Variants in BLOC1S5 observed in about 807,000 individuals in gnomAD.
BLOC1S5 encodes the protein biogenesis of lysosome-related organelles complex 1 subunit 5.
In BLOC1S5, 27 loss-of-function variants were observed where a neutral mutation model predicts 24.3. The ratio of observed to expected loss-of-function variants is 1.11; its 90% confidence interval spans 0.82 to 1.53. The LOEUF is 1.53. Among genes scored for constraint, BLOC1S5 ranks in the 40% most tolerant of loss-of-function variants. BLOC1S5 has a pLI of 0.00. For synonymous variants in BLOC1S5, 84 were observed against 74.5 expected (o/e 1.13, Z -0.66); for missense variants, 239 against 229.4 (o/e 1.04, Z -0.27).
At chr6:8,017,194 C>A (rs1762772508) in intron 4 of BLOC1S5, among the ~76,000 whole-genome samples, 1 of 152,124 alleles carries the variant, frequency 6.6e-6, no homozygotes, top group African/African-American at 2.4e-5. Flanking sequence ...AACTATTCTA[C>A]ATGTATGTCA....
rs1383639273 is a variant in BLOC1S5, at chr6:8,064,320, G to A, written c.57C>T (p.Gly19=). 1 of 1,613,466 alleles carries A rather than the reference G, an allele frequency of 6.2e-7. No homozygotes were observed. Among genetic ancestry groups the A allele is most frequent in the Non-Finnish European group, 8.5e-7 (1 of 1,179,866 alleles). ...PVGCEAAPGG[G]SKKRDSLGTA... is the part of the protein sequence containing the mutation. The stretch of plus-strand genomic sequence containing the variant: ...TCCCCAGGGAGTCCCTCTTCTTGCT[G>A]CCACCGCCCGGGGCGGCCTCACAAC... The change falls in exon 1 of 5, where the codon GGC becomes GGT. Residue 19 remains glycine, a synonymous_variant. Transcript: ENST00000397457.
chr6:8,031,741 A>G (rs1763306318), intron 3 of BLOC1S5, among the ~76,000 whole-genome samples: 1 of 152,206 alleles, frequency 6.6e-6, no homozygotes, highest in African/African-American at 2.4e-5. Context: ...ATAGTCACCA[A>G]AACAGCATGG....
chr6:8,045,438 G>C (rs913112551), intron 2 of BLOC1S5, among the ~76,000 whole-genome samples: 1 of 152,214 alleles, frequency 6.6e-6, no homozygotes, highest in Non-Finnish European at 1.5e-5. Flanking sequence ...CCCCCACACA[G>C]AGTCCCTACT....
intron 4 of BLOC1S5, among the ~76,000 whole-genome samples, chr6:8,019,550 T>G (rs1762852369): frequency 6.8e-6 from 1 of 147,306 alleles, no homozygotes; most frequent in Non-Finnish European, 1.5e-5. Context: ...ATTACAGGCA[T>G]GAGCCACCGG....
rs1209871994 is a variant in BLOC1S5 at position 8,026,432 on chromosome 6, T to C, written c.326-7A>G. On this transcript the variant is annotated splice_region_variant and splice_polypyrimidine_tract_variant and intron_variant, in intron 3 of 4. Coordinates refer to ENST00000397457, the MANE Select transcript of BLOC1S5 (RefSeq NM_201280.3). ...GAGTCATTAGCTGCTTGCACTGAAA[T>C]GAAAAAGACATGGGTTTTCAGTCAG... 6.2e-7 allele frequency: 1 copy of C among 1,612,594 alleles called. No homozygotes were observed. Among genetic ancestry groups the C allele is most frequent in the Admixed American group, 1.7e-5 (1 of 59,958 alleles).
At chr6:8,020,923 T>C (rs978292266) in intron 4 of BLOC1S5, among the ~76,000 whole-genome samples, 3 of 152,142 alleles carry the variant, frequency 2.0e-5, no homozygotes, top group African/African-American at 4.8e-5. Context: ...AAATTAAAAG[T>C]AGGAACCTGA....
rs775213483 is a variant in BLOC1S5 at position 8,014,090 on chromosome 6, C to T, written c.*1559G>A. 2 of 152,098 alleles carry T rather than the reference C, an allele frequency of 1.3e-5. No homozygotes were observed. Among genetic ancestry groups the T allele is most frequent in the African/African-American group, 2.4e-5 (1 of 41,386 alleles). 9.4% of individuals were successfully genotyped at this position (152,098 alleles called of 1,614,324 possible). On this transcript the variant is annotated 3_prime_UTR_variant, in exon 5 of 5. Coordinates refer to ENST00000397457, the MANE Select transcript of BLOC1S5 (RefSeq NM_201280.3). ...GCAGGCATTGTCAATTTTCTGCAGT[C>T]GCCACACTGAGATAACACAAGAGAG...
rs199888041 is a variant in BLOC1S5, at chr6:8,064,319, T to C, written c.58A>G (p.Ser20Gly). 74 of 1,613,666 alleles carry C rather than the reference T, an allele frequency of 4.6e-5. 1 individual carries two copies. The African/African-American group carries it at 9.6e-4, about 21-fold the overall frequency. The stretch of plus-strand genomic sequence containing the variant: ...GTCCCCAGGGAGTCCCTCTTCTTGC[T>C]GCCACCGCCCGGGGCGGCCTCACAA... ...VGCEAAPGGG[S>G]KKRDSLGTAG... Residue 20 changes from serine (S) to glycine (G), a missense_variant, in exon 1 of 5, where the codon AGC becomes GGC. Transcript: ENST00000397457.
intron 2 of BLOC1S5, among the ~76,000 whole-genome samples, chr6:8,054,590 T>C (rs941903242): frequency 6.6e-6 from 1 of 152,232 alleles, no homozygotes; most frequent in African/African-American, 2.4e-5. Context: ...TGTTATTCCA[T>C]TGCCTTCTGG....
At chr6:8,059,231 G>T (rs1764432704) in intron 2 of BLOC1S5, among the ~76,000 whole-genome samples, 1 of 152,218 alleles carries the variant, frequency 6.6e-6, no homozygotes, top group Non-Finnish European at 1.5e-5. Flanking sequence ...AAAAGAGTTT[G>T]TATAAAGTCA....
chr6:8,020,013 A>AGT (rs1762867696), intron 4 of BLOC1S5, among the ~76,000 whole-genome samples: 1 of 152,266 alleles, frequency 6.6e-6, no homozygotes, highest in Non-Finnish European at 1.5e-5. Flanking sequence ...AACATAGCAC[A>AGT]GTGTCTCTCT....
At chr6:8,020,413 C>A (rs984514917) in intron 4 of BLOC1S5, among the ~76,000 whole-genome samples, 8 of 152,194 alleles carry the variant, frequency 5.3e-5, no homozygotes, top group Middle Eastern at 3.2e-3. Context: ...TAACTGTGAA[C>A]ATGTCAGACA....
At chr6:8,016,949 T>C (rs1323558442) in intron 4 of BLOC1S5, among the ~76,000 whole-genome samples, 7 of 147,816 alleles carry the variant, frequency 4.7e-5, no homozygotes, top group African/African-American at 1.7e-4. Flanking sequence ...ATCTCAAACA[T>C]CTGTGTCAAA....
intron 4 of BLOC1S5, 85 bp from the exon 5 acceptor site, chr6:8,015,913 C>A: frequency 1.6e-6 from 2 of 1,264,094 alleles, no homozygotes; most frequent in Admixed American, 5.4e-5. Flanking sequence ...GTTACCGTAA[C>A]AATCAGCTGG....
At chr6:8,033,359 A>C (rs6927698) in intron 3 of BLOC1S5, among the ~76,000 whole-genome samples, 8,878 of 152,134 alleles carry the variant, frequency 0.058, 830 homozygotes, top group African/African-American at 0.2. Context: ...ACAAACCTGA[A>C]AAAAACAAGC....
chr6:8,059,046 C>G (rs887807100), intron 2 of BLOC1S5, among the ~76,000 whole-genome samples: 29 of 152,230 alleles, frequency 1.9e-4, no homozygotes, highest in Non-Finnish European at 4.4e-5. Context: ...TCAGTCTCTG[C>G]TCTGCTCCAC....
chr6:8,043,162 C>T (rs1763749600), intron 2 of BLOC1S5, among the ~76,000 whole-genome samples: 1 of 152,136 alleles, frequency 6.6e-6, no homozygotes, highest in African/African-American at 2.4e-5. Flanking sequence ...GAAAACATCT[C>T]CATTCCAGAA....
At chr6:8,022,864 G>A (rs1229107584) in intron 4 of BLOC1S5, among the ~76,000 whole-genome samples, 1 of 140,922 alleles carries the variant, frequency 7.1e-6, no homozygotes, top group African/African-American at 3.2e-5. Context: ...GATTACAGGC[G>A]TGAGCCACCG....
intron 2 of BLOC1S5, among the ~76,000 whole-genome samples, chr6:8,060,863 C>T (rs1018242746): frequency 9.9e-5 from 15 of 152,092 alleles, no homozygotes; most frequent in Admixed American, 7.2e-4. Context: ...CTTGCTCCAT[C>T]GCCAGGGCTG....
Sources: gnomAD v4.1 joint callset for allele counts (sites outside exome capture counted in the v4.1 genomes callset) on GRCh38, gnomAD v4.1.1 for gene constraint, MANE v1.5 for transcripts, NCBI Gene and HGNC (gene_info 2026-07-23, HGNC 2026-07-21) for gene names.